The following MAST1 variants were observed in gnomAD, a reference collection of about 807,000 sequenced individuals.
MAST1 encodes the protein microtubule associated serine/threonine kinase 1.
In MAST1, 40 loss-of-function variants were observed where a neutral mutation model predicts 124.6. The observed-to-expected ratio is 0.32, with a 90% CI of 0.25 to 0.42. The LOEUF is 0.42. Ranked by LOEUF, MAST1 falls within the 10% of genes least tolerant of loss-of-function variation. The pLI, the probability that MAST1 is intolerant of heterozygous loss-of-function variation, is 1.00. For synonymous variants in MAST1, 938 were observed against 939.4 expected, an observed-to-expected ratio of 1.00 and a Z score of 0.03; for missense variants, 1,558 against 2,181.9, an observed-to-expected ratio of 0.71 and a Z score of 5.70.
At chr19:12,867,676 T>TG (rs1970172821) in intron 19 of MAST1, 24 bp downstream of exon 19, 2 of 1,551,710 alleles carry the variant, frequency 1.3e-6, no homozygotes, top group African/African-American at 1.4e-5. Context: ...TGGCGGAGTT[T>TG]GGGGGCGGGG....
intron 12 of MAST1, among the ~76,000 whole-genome samples, chr19:12,863,453 C>T (rs1970111205): frequency 6.6e-6 from 1 of 152,140 alleles, no homozygotes; most frequent in Non-Finnish European, 1.5e-5. Context: ...CATTAGCTTT[C>T]TTGGTCATTG....
intron 24 of MAST1, among the ~76,000 whole-genome samples, chr19:12,873,009 T>C (rs963006923): frequency 6.6e-6 from 1 of 151,676 alleles, no homozygotes; most frequent in African/African-American, 2.4e-5. Flanking sequence ...CTAAAGGAAG[T>C]TCTATCTTGA....
Position 12,867,762 on chromosome 19 carries a change from T to C in MAST1, c.2351T>C (p.Leu784Pro), listed in dbSNP as rs765725905. 5.2e-6 allele frequency: 8 copies of C among 1,546,930 alleles called. No individual in the cohort carries two copies. Among genetic ancestry groups the C allele is most frequent in the African/African-American group, 1.4e-5 (1 of 71,952 alleles). ...KRFSASEASF[L>P]EGEASPPLGA... ...TTCTCCGCGTCCGAGGCCAGTTTCC[T>C]GGAGGGAGAGGCCAGTCCCCCTTTG... Residue 784 changes from leucine (L) to proline (P), a missense_variant, in exon 20 of 26, where the codon CTG becomes CCG. Coordinates refer to ENST00000251472, the MANE Select transcript of MAST1 (RefSeq NM_014975.3).
At chr19:12,864,495 G>A (rs1417800573) in intron 12 of MAST1, among the ~76,000 whole-genome samples, 1 of 151,928 alleles carries the variant, frequency 6.6e-6, no homozygotes, top group Admixed American at 6.6e-5. Flanking sequence ...GCTTCCAGAT[G>A]CAGTTGATAA....
In MAST1 at chr19:12,874,309, G is replaced by A. The variant is rs749533973; in HGVS notation, c.4152G>A (p.Arg1384=). The A allele has an allele frequency of 6.3e-7, 1 of 1,594,240 alleles. No individual in the cohort carries two copies. ...ATTPGGRTLE[R]DVGCTRHQSV... is the part of the protein sequence containing the mutation. ...CCCCCGGTGGCCGGACCCTGGAGCG[G>A]GACGTCGGCTGCACGCGGCATCAGA... The change falls in exon 26 of 26, where the codon CGG becomes CGA. Residue 1384 remains arginine, a synonymous_variant. Transcript: ENST00000251472. This position sits in a 1 kb window ranked among gnomAD's most constrained non-coding sequence, Gnocchi z 6.6.
At chr19:12,854,748 C>T (rs1426835070) in intron 10 of MAST1, among the ~76,000 whole-genome samples, 1 of 152,144 alleles carries the variant, frequency 6.6e-6, no homozygotes, top group East Asian at 1.9e-4. Context: ...CTATGTTTAA[C>T]TTATAGAGGA....
chr19:12,841,007 C>G lies in MAST1; in HGVS notation c.189C>G (p.Asp63Glu), dbSNP rs1347184006. 1 of 1,370,742 alleles carries G rather than the reference C, an allele frequency of 7.3e-7. No individual in the cohort carries two copies. The allele number at this position is 1,370,742 out of a possible 1,614,324, so 84.9% of individuals were successfully genotyped here. ...LPGHLGSSPL[D>E]SPRNFSPNTP... ...CTCTCATAGGCAGCAGTCCCCTGGACAGCCCCCGAAACTTCTCCCCCAACA... is the reference window on the plus strand; with the variant it reads ...CTCTCATAGGCAGCAGTCCCCTGGAGAGCCCCCGAAACTTCTCCCCCAACA... Residue 63 changes from aspartate (D) to glutamate (E), a missense_variant, in exon 3 of 26, where the codon GAC (aspartate) becomes GAG (glutamate). Asp to Glu is a conservative substitution (Grantham distance 45). Coordinates refer to ENST00000251472, the MANE Select transcript of MAST1 (RefSeq NM_014975.3). The surrounding 1 kb of genome is among the most constrained non-coding windows in gnomAD (Gnocchi z 4.3).
chr19:12,864,612 G>C (rs1238638301), intron 12 of MAST1, among the ~76,000 whole-genome samples, 197 bp from the exon 13 acceptor site: 1 of 152,124 alleles, frequency 6.6e-6, no homozygotes, highest in East Asian at 1.9e-4. Flanking sequence ...ATGAGCTGAT[G>C]ACACCAACTT....
intron 2 of MAST1, among the ~76,000 whole-genome samples, chr19:12,840,768 T>G: frequency 6.8e-6 from 1 of 147,332 alleles, no homozygotes; most frequent in Non-Finnish European, 1.5e-5. Context: ...AAAGGAGGAG[T>G]CGTACCTGAG....
chr19:12,874,423 G>T lies in MAST1; in HGVS notation c.4266G>T (p.Arg1422=). ...CGGTGCAGGAACACGAGACAGGCCG[G>T]CGCAGCAGCTCTGGCGAGGCGGGCA... ...LSPVQEHETG[R]RSSSGEAGTP... is the part of the protein sequence containing the mutation. Residue 1422 remains arginine (R), a synonymous_variant, in exon 26 of 26, where the codon CGG becomes CGT. Coordinates refer to ENST00000251472, the MANE Select transcript of MAST1 (RefSeq NM_014975.3). This position sits in a 1 kb window ranked among gnomAD's most constrained non-coding sequence, Gnocchi z 6.6. 6.3e-7 allele frequency: 1 copy of T among 1,598,534 alleles called. No individual in the cohort carries two copies. Among genetic ancestry groups the T allele is most frequent in the Non-Finnish European group, 8.5e-7 (1 of 1,179,000 alleles).
rs1244141245 is a variant in MAST1, at chr19:12,841,654, CTATT to C, written c.248+589_248+592del. On this transcript the variant is annotated intron_variant, in intron 3 of 25. Coordinates refer to ENST00000251472, the MANE Select transcript of MAST1 (RefSeq NM_014975.3). This position sits in a 1 kb window ranked among gnomAD's most constrained non-coding sequence, Gnocchi z 4.3. ...GGGCCTGTCTCTTTTTCTTTGAACTCTATTCATTCTAAAAATGGTGTCTAAACAC... is the reference window on the plus strand; with the variant it reads ...GGGCCTGTCTCTTTTTCTTTGAACTCCATTCTAAAAATGGTGTCTAAACAC... 6.6e-6 allele frequency among the ~76,000 whole-genome samples: 1 copy of C among 152,132 alleles called. No homozygotes were observed. Among genetic ancestry groups the C allele is most frequent in the Non-Finnish European group, 1.5e-5 (1 of 68,022 alleles).
chr19:12,868,519 T>C, intron 20 of MAST1, 124 bp from the exon 21 acceptor site: 1 of 800,196 alleles, frequency 1.2e-6, no homozygotes, highest in Non-Finnish European at 2.0e-6. Context: ...GCAGGTTACC[T>C]GCTCAGATGA....
chr19:12,868,626 C>G lies in MAST1; in HGVS notation c.2567-17C>G, dbSNP rs762803069. 11 of 1,562,368 alleles carry G rather than the reference C, an allele frequency of 7.0e-6. No homozygotes were observed. Among genetic ancestry groups the G allele is most frequent in the Middle Eastern group, 1.9e-4 (1 of 5,404 alleles). On this transcript the variant is annotated splice_polypyrimidine_tract_variant and intron_variant, in intron 20 of 25. Transcript: ENST00000251472. ...TGGCCTTGGACTAATTCCTAACACA[C>G]TTGCTTTCTGTTGCAGCTGACCGTC...
intron 7 of MAST1, among the ~76,000 whole-genome samples, chr19:12,850,270 C>T (rs1222015013): frequency 6.6e-6 from 1 of 152,170 alleles, no homozygotes; most frequent in Non-Finnish European, 1.5e-5. Context: ...GTAATCCCAG[C>T]ACTTTGGGGA....
intron 7 of MAST1, among the ~76,000 whole-genome samples, chr19:12,849,160 ACTGCTGTGTCC>A (rs1339900476): frequency 6.6e-6 from 1 of 151,998 alleles, no homozygotes; most frequent in Non-Finnish European, 1.5e-5. Flanking sequence ...TGTTCTGTCC[ACTGCTGTGTCC>A]CTGCTGTTTG....
In MAST1 at chr19:12,851,938, A is replaced by G. The variant is rs1969964895; in HGVS notation, c.779A>G (p.Tyr260Cys). The G allele has an allele frequency of 4.3e-6, 7 of 1,613,630 alleles. No homozygotes were observed. The highest frequency in any genetic ancestry group is 5.1e-6 in the Non-Finnish European group (6 of 1,179,788). Residue 260 changes from tyrosine (Y) to cysteine (C), a missense_variant, in exon 8 of 26, where the codon TAT becomes TGT. By Grantham distance (194) the Tyr-to-Cys change is radical. Transcript: ENST00000251472. ...ENLEKLLQDAYERSESLEVAF... is the reference protein window; with the variant it reads ...ENLEKLLQDACERSESLEVAF... Reference sequence around the variant, plus strand: ...CCTCTGTGTCCCCTGCCACAGGCCTATGAACGCTCTGAGAGCTTGGAGGTG... The same window carrying G: ...CCTCTGTGTCCCCTGCCACAGGCCTGTGAACGCTCTGAGAGCTTGGAGGTG...
Position 12,843,602 on chromosome 19 carries a change from G to A in MAST1, c.322G>A (p.Val108Ile), listed in dbSNP as rs138461183. The change falls in exon 4 of 26, where the codon GTC becomes ATC. Residue 108 changes from valine (V) to isoleucine (I), a missense_variant. Around this residue, in one of 10 missense-constraint regions of MAST1, gnomAD observed 165 missense variants for 315.3 expected, o/e 0.52. Transcript: ENST00000251472. This position sits in a 1 kb window ranked among gnomAD's most constrained non-coding sequence, Gnocchi z 4.9. ...GYGTNTPSSTVSSSCSSQERL... is the reference protein window; with the variant it reads ...GYGTNTPSSTISSSCSSQERL... Reference sequence around the variant, plus strand: ...TGGCACCAACACGCCCAGTTCCACCGTCTCGGTGAGTGTGGAAAGTAGGTG... The same window carrying A: ...TGGCACCAACACGCCCAGTTCCACCATCTCGGTGAGTGTGGAAAGTAGGTG... 382 of 1,612,948 alleles carry A rather than the reference G, an allele frequency of 2.4e-4. No individual in the cohort carries two copies. Among genetic ancestry groups the A allele is most frequent in the Non-Finnish European group, 3.1e-4 (367 of 1,179,592 alleles).
At chr19:12,854,936 T>A (rs1599582874) in intron 10 of MAST1, among the ~76,000 whole-genome samples, 2 of 151,988 alleles carry the variant, frequency 1.3e-5, no homozygotes, top group Non-Finnish European at 2.9e-5. Flanking sequence ...GCCTAGTATT[T>A]TTCAAAAATT....
chr19:12,871,374 C>T (rs1189389519), intron 24 of MAST1, among the ~76,000 whole-genome samples: 5 of 151,966 alleles, frequency 3.3e-5, no homozygotes, highest in African/African-American at 9.7e-5. Flanking sequence ...TTTGGGAGGC[C>T]GAGGCGGGCA....
Sources: gnomAD v4.1 joint callset for allele counts (sites outside exome capture counted in the v4.1 genomes callset) on GRCh38, gnomAD v4.1.1 for gene constraint, gnomAD v4.1.1 regional missense constraint, Gnocchi (gnomAD v3.1) non-coding constraint, MANE v1.5 for transcripts, NCBI Gene and HGNC (gene_info 2026-07-23, HGNC 2026-07-21) for gene names.